The following PRDM16 variants were observed in gnomAD, a reference collection of about 807,000 sequenced individuals.
PRDM16 encodes PR/SET domain 16.
Under a neutral mutation model 110.6 loss-of-function variants are expected in PRDM16, and 23 were observed. That is an observed-to-expected ratio of 0.21 (90% CI 0.15 to 0.29). The LOEUF is 0.29. PRDM16 is among the 10% of genes least tolerant of loss of function. The pLI is 1.00. For synonymous variants in PRDM16, 799 were observed against 781.8 expected, an observed-to-expected ratio of 1.02 and a Z score of -0.37; for missense variants, 1,615 against 1,794.3, an observed-to-expected ratio of 0.90 and a Z score of 1.81.
chr1:3,270,867 A>T (rs1640436959), intron 3 of PRDM16, among the ~76,000 whole-genome samples: 1 of 151,666 alleles, frequency 6.6e-6, no homozygotes, highest in African/African-American at 2.4e-5. Flanking sequence ...AGTGGGGAGG[A>T]GGACAGTCCA....
intron 1 of PRDM16, among the ~76,000 whole-genome samples, chr1:3,134,706 T>C (rs1643401721): frequency 6.6e-6 from 1 of 152,252 alleles, no homozygotes; most frequent in African/African-American, 2.4e-5. Context: ...GTTCAGAAAG[T>C]GAAGATTAAA....
chr1:3,225,323 G>A (rs996321532), intron 2 of PRDM16, among the ~76,000 whole-genome samples: 1 of 152,130 alleles, frequency 6.6e-6, no homozygotes, highest in African/African-American at 2.4e-5. Context: ...CGGCGGTTTG[G>A]GATTTTGACA....
intron 5 of PRDM16, among the ~76,000 whole-genome samples, chr1:3,401,704 T>C (rs2100639908): frequency 6.6e-6 from 1 of 152,224 alleles, no homozygotes; most frequent in Middle Eastern, 3.4e-3. Context: ...CGCACGAACA[T>C]ATATGTATAA....
At chr1:3,171,904 C>T (rs1231622550) in intron 1 of PRDM16, among the ~76,000 whole-genome samples, 1 of 152,148 alleles carries the variant, frequency 6.6e-6, no homozygotes, top group Admixed American at 6.5e-5. Flanking sequence ...AGTCCTGGAG[C>T]AGCGAGCCGA....
At chr1:3,096,954 T>C (rs1398724633) in intron 1 of PRDM16, among the ~76,000 whole-genome samples, 2 of 152,208 alleles carry the variant, frequency 1.3e-5, no homozygotes, top group Non-Finnish European at 2.9e-5. Context: ...GAGGCTGCTC[T>C]CTGTGCCCCT....
In PRDM16 at chr1:3,350,778, C is replaced by T. The variant is rs1051213053; in HGVS notation, c.439-34374C>T. On this transcript the variant is annotated intron_variant, in intron 3 of 16. Transcript: ENST00000270722. This position sits in a 1 kb window ranked among gnomAD's most constrained non-coding sequence, Gnocchi z 7.1. ...GTCTGCCGACTTCTTCCCAATGCCG[C>T]GTCCAGTGTTTTCCTCTTTCTGGGC... Among the ~76,000 whole-genome samples the T allele has an allele frequency of 1.3e-5, 2 of 152,162 alleles. No homozygotes were observed. Among genetic ancestry groups the T allele is most frequent in the South Asian group, 2.1e-4 (1 of 4,834 alleles).
chr1:3,415,319 C>A (rs1643760365), intron 10 of PRDM16, among the ~76,000 whole-genome samples: 1 of 152,244 alleles, frequency 6.6e-6, no homozygotes, highest in African/African-American at 2.4e-5. Context: ...GGGAGCCTGG[C>A]CCCTTCCGCA....
intron 3 of PRDM16, among the ~76,000 whole-genome samples, chr1:3,298,725 G>T (rs1641142934): frequency 6.6e-6 from 1 of 152,144 alleles, no homozygotes; most frequent in Non-Finnish European, 1.5e-5. Flanking sequence ...CTGGGGGTTG[G>T]TGAAGAAATG....
chr1:3,436,289 A>T lies in PRDM16; in HGVS notation c.*2478A>T, dbSNP rs778483224. On this transcript the variant is annotated 3_prime_UTR_variant, in exon 17 of 17. Transcript: ENST00000270722. ...AGCGTGTCTTTTCAGCAGGAGCAGAACCGATGAGAGCCGCCCTTACCGTTG... is the reference window on the plus strand; with the variant it reads ...AGCGTGTCTTTTCAGCAGGAGCAGATCCGATGAGAGCCGCCCTTACCGTTG... 1 of 230,360 alleles carries T rather than the reference A, an allele frequency of 4.3e-6. No homozygotes were observed. The highest frequency in any genetic ancestry group is 8.6e-6 in the Non-Finnish European group (1 of 116,344). The allele number at this position is 230,360 out of a possible 1,614,324, so 14.3% of individuals were successfully genotyped here.
At chr1:3,183,840 C>T (rs542509697) in intron 1 of PRDM16, among the ~76,000 whole-genome samples, 13 of 152,296 alleles carry the variant, frequency 8.5e-5, no homozygotes, top group South Asian at 6.2e-4. Context: ...CCCAGAAACA[C>T]CTGGGGTTCT....
At chr1:3,181,697 TAC>T (rs1346155436) in intron 1 of PRDM16, among the ~76,000 whole-genome samples, 2 of 133,672 alleles carry the variant, frequency 1.5e-5, no homozygotes, top group Admixed American at 7.5e-5. Context: ...CACACGGTCT[TAC>T]ACACGGTCTT....
At position 3,188,676 on chromosome 1, in the gene PRDM16, G is replaced by A. The variant is rs751680380; in HGVS notation, c.387+2202G>A. 2.6e-4 allele frequency among the ~76,000 whole-genome samples: 40 copies of A among 152,286 alleles called. 1 individual carries two copies. Among genetic ancestry groups the A allele is most frequent in the African/African-American group, 9.4e-4 (39 of 41,578 alleles). On this transcript the variant is annotated intron_variant, in intron 2 of 16. Transcript: ENST00000270722. ...TCTCGCCTGACCTTGTTTTCCTTGC[G>A]AGTTCGGGCACCGACTCCCTGGCTT...
At position 3,156,669 on chromosome 1, in the gene PRDM16, C is replaced by T. The variant is rs115947912; in HGVS notation, c.38-29456C>T. Among the ~76,000 whole-genome samples the T allele has an allele frequency of 6.8e-3, 1,032 of 152,252 alleles. 14 individuals carry two copies. The highest frequency in any genetic ancestry group is 0.024 in the African/African-American group (998 of 41,538). ...CTGCTTTGGGAATTTTTTCTCCAGA[C>T]CAGAGAAGGTTGGACCCGTTCAGAG... is the stretch of plus-strand genomic sequence containing the variant. On this transcript the variant is annotated intron_variant, in intron 1 of 16. Coordinates refer to ENST00000270722, the MANE Select transcript of PRDM16 (RefSeq NM_022114.4).
In PRDM16 at chr1:3,414,557, C is replaced by T; in HGVS notation, c.2604-3C>T. 1.2e-6 allele frequency: 2 copies of T among 1,612,054 alleles called. No individual in the cohort carries two copies. Among genetic ancestry groups the T allele is most frequent in the East Asian group, 2.2e-5 (1 of 44,864 alleles). On this transcript the variant is annotated splice_polypyrimidine_tract_variant and splice_region_variant and intron_variant, in intron 9 of 16. Transcript: ENST00000270722. ...GTACGTAACCCTCTGTGCTGTTGTC[C>T]AGCAGGGTAGAAAAGCGGAAGGTCA...
At chr1:3,405,292 C>T (rs993034105) in intron 7 of PRDM16, among the ~76,000 whole-genome samples, 2 of 152,198 alleles carry the variant, frequency 1.3e-5, no homozygotes, top group Admixed American at 6.5e-5. Context: ...GGAAAGCAGC[C>T]GGGGAGGCTC....
At chr1:3,433,529 T>TC (rs1638826717) in intron 16 of PRDM16, 148 bp from the exon 17 acceptor site, 14 of 531,690 alleles carry the variant, frequency 2.6e-5, no homozygotes, top group Admixed American at 1.8e-4. Context: ...CACCTGCCTG[T>TC]CTGGGATGGC....
At chr1:3,280,242 T>C (rs889652977) in intron 3 of PRDM16, among the ~76,000 whole-genome samples, 1 of 152,144 alleles carries the variant, frequency 6.6e-6, no homozygotes, top group Non-Finnish European at 1.5e-5. Flanking sequence ...GTTCGTGTGT[T>C]GGTGTGTGCA....
rs1474175399 is a variant in PRDM16 at position 3,143,471 on chromosome 1, T to G, written c.38-42654T>G. ...GCAAATGACATTTGAAACTTTATTA[T>G]TAGTATTATTATTATCATTTTTGTG... On this transcript the variant is annotated intron_variant, in intron 1 of 16. Coordinates refer to ENST00000270722, the MANE Select transcript of PRDM16 (RefSeq NM_022114.4). The surrounding 1 kb of genome is among the most constrained non-coding windows in gnomAD (Gnocchi z 4.5). Among the ~76,000 whole-genome samples the G allele has an allele frequency of 6.6e-6, 1 of 152,106 alleles. No individual in the cohort carries two copies. Among genetic ancestry groups the G allele is most frequent in the Admixed American group, 6.5e-5 (1 of 15,270 alleles).
rs1321190781 is a variant in PRDM16, at chr1:3,244,600, C to T, written c.438+463C>T. Among the ~76,000 whole-genome samples the T allele has an allele frequency of 6.6e-5, 10 of 152,148 alleles. No individual in the cohort carries two copies. The highest frequency in any genetic ancestry group is 1.0e-4 in the Non-Finnish European group (7 of 68,024). ...GCATCGTTTTAAATAAGCAAAACCA[C>T]GAGGCGAGAGAAAAAGGGTCCACGT... On this transcript the variant is annotated intron_variant, in intron 3 of 16. Coordinates refer to ENST00000270722, the MANE Select transcript of PRDM16 (RefSeq NM_022114.4). This position sits in a 1 kb window ranked among gnomAD's most constrained non-coding sequence, Gnocchi z 4.1.
Sources: allele counts gnomAD v4.1 joint callset (sites outside exome capture counted in the v4.1 genomes callset), GRCh38; gene constraint gnomAD v4.1.1; non-coding constraint Gnocchi (gnomAD v3.1); transcripts MANE v1.5; gene names NCBI Gene and HGNC (gene_info 2026-07-23, HGNC 2026-07-21).